DIP2C: variants seen among roughly 807,000 people sequenced by gnomAD.
DIP2C encodes disco-interacting protein 2 homolog C.
A neutral mutation model predicts 192.4 loss-of-function variants in DIP2C; 33 were observed. The ratio of observed to expected loss-of-function variants is 0.17; its 90% CI spans 0.13 to 0.23. DIP2C has a LOEUF of 0.23. DIP2C is among the 10% of genes least tolerant of loss of function. DIP2C has a pLI of 1.00. For missense variants in DIP2C, 1,537 were observed against 2,110.1 expected, an observed-to-expected ratio of 0.73 and a Z score of 5.32; for synonymous variants, 979 against 864.1, an observed-to-expected ratio of 1.13 and a Z score of -2.33.
intron 22 of DIP2C, among the ~76,000 whole-genome samples, chr10:361,075 A>G (rs1282619076): frequency 6.6e-6 from 1 of 152,208 alleles, no homozygotes; most frequent in African/African-American, 2.4e-5. Flanking sequence ...GTAGGGCCTC[A>G]GCTCTGCCAG....
intron 31 of DIP2C, among the ~76,000 whole-genome samples, chr10:326,085 G>A (rs1278169040): frequency 1.3e-5 from 2 of 152,290 alleles, no homozygotes; most frequent in Non-Finnish European, 2.9e-5. Flanking sequence ...GGAGGCTGAG[G>A]TGGGAGGGTT....
At chr10:530,587 G>A (rs953971848) in intron 1 of DIP2C, among the ~76,000 whole-genome samples, 7 of 150,632 alleles carry the variant, frequency 4.6e-5, no homozygotes, top group African/African-American at 1.2e-4. Context: ...GGAGGCTGAG[G>A]TGGGAGGGTT....
chr10:532,842 T>C (rs1564825126), intron 1 of DIP2C, among the ~76,000 whole-genome samples: 1 of 151,976 alleles, frequency 6.6e-6, no homozygotes, highest in Non-Finnish European at 1.5e-5. Context: ...GCACCACAAG[T>C]ACAGAGGTGC....
intron 10 of DIP2C, among the ~76,000 whole-genome samples, chr10:395,738 TAA>T (rs1373054303): frequency 1.3e-5 from 2 of 152,174 alleles, no homozygotes; most frequent in African/African-American, 4.8e-5. Flanking sequence ...TGCTTGGTGA[TAA>T]AACCATAGCC....
At chr10:671,995 A>G (rs1588740497) in intron 1 of DIP2C, among the ~76,000 whole-genome samples, 1 of 147,028 alleles carries the variant, frequency 6.8e-6, no homozygotes, top group Admixed American at 6.7e-5. Context: ...GAAACAGGCC[A>G]TAGACGCACG....
chr10:487,581 T>TTG (rs1844114471), intron 1 of DIP2C, among the ~76,000 whole-genome samples: 1 of 134,414 alleles, frequency 7.4e-6, no homozygotes, highest in African/African-American at 2.8e-5. Flanking sequence ...TTTTTTTTTT[T>TTG]TTTTTTTTTT....
At chr10:623,580 TGAGGGGAGGAGGGGAGGGACGC>T (rs1854012801) in intron 1 of DIP2C, among the ~76,000 whole-genome samples, 2 of 18,330 alleles carry the variant, frequency 1.1e-4, no homozygotes, top group Admixed American at 6.5e-4. Flanking sequence ...GATGCAGGGC[TGAGGGGAGGAGGGGAGGGACGC>T]AGGGCCGAGG....
At chr10:464,741 A>G (rs963505202) in intron 3 of DIP2C, among the ~76,000 whole-genome samples, 2 of 152,254 alleles carry the variant, frequency 1.3e-5, no homozygotes, top group Non-Finnish European at 2.9e-5. Context: ...AATGCCCATC[A>G]ATGATAGACT....
chr10:420,106 C>T (rs529504202), intron 5 of DIP2C, among the ~76,000 whole-genome samples: 3 of 152,334 alleles, frequency 2.0e-5, no homozygotes, highest in South Asian at 4.1e-4. Flanking sequence ...AACAGAAGGG[C>T]GGTACTTTGT....
At chr10:291,770 G>A (rs1222868512) in intron 32 of DIP2C, among the ~76,000 whole-genome samples, 3 of 152,244 alleles carry the variant, frequency 2.0e-5, no homozygotes, top group African/African-American at 7.2e-5. Context: ...AGTGCTTGTG[G>A]TGCGTGAGTT....
At chr10:443,644 T>G (rs1226950689) in intron 3 of DIP2C, among the ~76,000 whole-genome samples, 1 of 152,196 alleles carries the variant, frequency 6.6e-6, no homozygotes, top group African/African-American at 2.4e-5. Context: ...TACTGGTACC[T>G]CCTGCTGCAA....
chr10:542,514 G>A (rs949843037), intron 1 of DIP2C, among the ~76,000 whole-genome samples: 2 of 152,208 alleles, frequency 1.3e-5, no homozygotes, highest in Non-Finnish European at 1.5e-5. Context: ...CAGCCACTAC[G>A]GCCGACAGCC....
intron 1 of DIP2C, among the ~76,000 whole-genome samples, chr10:504,969 GGTTC>G (rs1489354531): frequency 6.6e-6 from 1 of 152,082 alleles, no homozygotes; most frequent in Non-Finnish European, 1.5e-5. Context: ...CTCAGTGCTA[GGTTC>G]GTTCATTCAT....
chr10:602,165 T>A (rs753114700), intron 1 of DIP2C, among the ~76,000 whole-genome samples: 1 of 151,938 alleles, frequency 6.6e-6, no homozygotes, highest in African/African-American at 2.4e-5. Flanking sequence ...CACACCAAGG[T>A]TTTTACAGTC....
chr10:640,530 G>A lies in DIP2C; in HGVS notation c.85+48964C>T, dbSNP rs932732583. Among the ~76,000 whole-genome samples the A allele has an allele frequency of 4.6e-5, 7 of 152,264 alleles. No individual in the cohort carries two copies. The South Asian group carries it at 6.2e-4, about 14-fold the overall frequency. ...ATAAACTTAGCTCACAGCAAGAGGCGGGCATGGCCAGAGTAGAAACACACG... is the reference window on the plus strand; with the variant it reads ...ATAAACTTAGCTCACAGCAAGAGGCAGGCATGGCCAGAGTAGAAACACACG... On this transcript the variant is annotated intron_variant, in intron 1 of 36. Coordinates refer to ENST00000280886, the MANE Select transcript of DIP2C (RefSeq NM_014974.3).
chr10:355,804 T>C (rs1347791616), intron 24 of DIP2C, among the ~76,000 whole-genome samples: 1 of 152,016 alleles, frequency 6.6e-6, no homozygotes, highest in Non-Finnish European at 1.5e-5. Context: ...GGGCTCGGTG[T>C]GGTGACTCAC....
chr10:686,817 T>A (rs1831356442), intron 1 of DIP2C, among the ~76,000 whole-genome samples: 1 of 152,238 alleles, frequency 6.6e-6, no homozygotes, highest in Non-Finnish European at 1.5e-5. Flanking sequence ...CAGCAGTGCA[T>A]GTAATGGCGC....
chr10:331,547 T>C (rs905012863), intron 29 of DIP2C, among the ~76,000 whole-genome samples: 10 of 152,232 alleles, frequency 6.6e-5, no homozygotes, highest in African/African-American at 1.9e-4. Flanking sequence ...CTAAACAACA[T>C]AGTACAACTA....
At chr10:436,737 C>CCGCCTCCTGGACATGGTAGGGTGATA (rs1967248651) in intron 4 of DIP2C, among the ~76,000 whole-genome samples, 1 of 123,780 alleles carries the variant, frequency 8.1e-6, no homozygotes, top group African/African-American at 4.6e-5. Context: ...TCTCTGAGCT[C>CCGCCTCCTGGACATGGTAGGGTGATA]TGCTTCCTGG....
Sources: gnomAD v4.1 joint callset for allele counts (sites outside exome capture counted in the v4.1 genomes callset) on GRCh38, gnomAD v4.1.1 for gene constraint, MANE v1.5 for transcripts, NCBI Gene and HGNC (gene_info 2026-07-23, HGNC 2026-07-21) for gene names.